Variants in PRRT1 observed in about 807,000 individuals in gnomAD.
PRRT1 encodes proline-rich transmembrane protein 1.
A neutral mutation model predicts 22.6 loss-of-function variants in PRRT1; 8 were observed. That is an observed-to-expected ratio of 0.35 (90% CI 0.21 to 0.64). PRRT1 has a LOEUF of 0.64. Ranked by LOEUF, PRRT1 falls within the 30% of genes least tolerant of loss-of-function variation. The pLI, the probability that PRRT1 is intolerant of heterozygous loss-of-function variation, is 0.69. For missense variants in PRRT1, 315 were observed against 444.5 expected (o/e 0.71, Z 2.62); for synonymous variants, 176 against 203.6 (o/e 0.86, Z 1.15).
chr6:32,151,975 GGC>G, upstream of PRRT1: 2 of 280,204 alleles, frequency 7.1e-6, no homozygotes, highest in Non-Finnish European at 1.4e-5. Flanking sequence ...GGGGGGGGCG[GGC>G]GGAGGGAGAG....
Position 32,151,884 on chromosome 6 carries a change from T to A in PRRT1, c.-57A>T. Reference sequence around the variant, plus strand: ...AGCCGGAGTGGGGGTCCTCGGCCGGTGCTGGAGTCTGGGTGCTGGATGGCG... The same window carrying A: ...AGCCGGAGTGGGGGTCCTCGGCCGGAGCTGGAGTCTGGGTGCTGGATGGCG... On this transcript the variant is annotated 5_prime_UTR_variant, in exon 1 of 4. Coordinates refer to ENST00000211413, the MANE Select transcript of PRRT1 (RefSeq NM_030651.4). 6.5e-7 allele frequency: 1 copy of A among 1,527,754 alleles called. No individual in the cohort carries two copies. Among genetic ancestry groups the A allele is most frequent in the Non-Finnish European group, 9.0e-7 (1 of 1,115,234 alleles). The allele number at this position is 1,527,754 out of a possible 1,614,324, so 94.6% of individuals were successfully genotyped here.
intron 1 of PRRT1, 114 bp from the exon 2 acceptor site, chr6:32,151,020 C>G: frequency 1.1e-6 from 1 of 883,980 alleles, no homozygotes; most frequent in Non-Finnish European, 1.8e-6. Flanking sequence ...ATGGGAGAGA[C>G]ACATAGAGAG....
In PRRT1 at chr6:32,148,970, G is replaced by A. The variant is rs1783110783; in HGVS notation, c.*252C>T. ...GAGGGTGAGGGGGCCTGGAGCGACT[G>A]AGGGTCCGGCGTTTGGCCGGGATCC... On this transcript the variant is annotated 3_prime_UTR_variant, in exon 4 of 4. Coordinates refer to ENST00000211413, the MANE Select transcript of PRRT1 (RefSeq NM_030651.4). This position sits in a 1 kb window ranked among gnomAD's most constrained non-coding sequence, Gnocchi z 5.7. 1 of 696,810 alleles carries A rather than the reference G, an allele frequency of 1.4e-6. No homozygotes were observed. The highest frequency in any genetic ancestry group is 1.7e-5 in the African/African-American group (1 of 57,260). 43.2% of individuals were successfully genotyped at this position (696,810 alleles called of 1,614,324 possible).
At chr6:32,151,778 A>AG (rs756392691) in intron 1 of PRRT1, 31 bp downstream of exon 1, 38 of 1,399,998 alleles carry the variant, frequency 2.7e-5, no homozygotes, top group Non-Finnish European at 3.4e-5. Flanking sequence ...GAGACAGTGG[A>AG]GGGGGTGGGA....
Position 32,151,918 on chromosome 6 carries a change from A to T in PRRT1, c.-91T>A, listed in dbSNP as rs767132722. 1.4e-6 allele frequency: 1 copy of T among 728,682 alleles called. No homozygotes were observed. Among genetic ancestry groups the T allele is most frequent in the South Asian group, 1.3e-5 (1 of 74,400 alleles). 45.1% of individuals were successfully genotyped at this position (728,682 alleles called of 1,614,324 possible). A position where few individuals can be genotyped will look rare whatever the true frequency, so the allele number is the denominator to read the frequency against. On this transcript the variant is annotated 5_prime_UTR_variant, in exon 1 of 4. Coordinates refer to ENST00000211413, the MANE Select transcript of PRRT1 (RefSeq NM_030651.4). ...CTGGGTGCTGGATGGCGCAGCCGGC[A>T]GCAGCGCAGAGATGGAGAGATGAAG...
At position 32,150,535 on chromosome 6, in the gene PRRT1, C is replaced by T. The variant is rs1783201700; in HGVS notation, c.391G>A (p.Ala131Thr). 2 of 1,367,238 alleles carry T rather than the reference C, an allele frequency of 1.5e-6. No individual in the cohort carries two copies. The highest frequency in any genetic ancestry group is 1.9e-6 in the Non-Finnish European group (2 of 1,062,574). The allele number at this position is 1,367,238 out of a possible 1,614,324, so 84.7% of individuals were successfully genotyped here. Reference sequence around the variant, plus strand: ...TGGGCTGGCGCCGGCGGGGGCGGGGCGGCGGCAGCGGGCGGCGGCGGGGGA... The same window carrying T: ...TGGGCTGGCGCCGGCGGGGGCGGGGTGGCGGCAGCGGGCGGCGGCGGGGGA... Reference protein sequence around the residue: ...PLPPPPPAAAAPPPPAPAQTA... With the variant: ...PLPPPPPAAATPPPPAPAQTA... The change falls in exon 2 of 4, where the codon GCC (alanine) becomes ACC (threonine). Residue 131 changes from alanine to threonine, a missense_variant. Ala to Thr is a moderately conservative substitution (Grantham distance 58, BLOSUM62 0). Coordinates refer to ENST00000211413, the MANE Select transcript of PRRT1 (RefSeq NM_030651.4). This position sits in a 1 kb window ranked among gnomAD's most constrained non-coding sequence, Gnocchi z 7.2.
In PRRT1 at chr6:32,150,699, G is replaced by A. The variant is rs1783216340; in HGVS notation, c.227C>T (p.Ser76Phe). 6.9e-7 allele frequency: 1 copy of A among 1,448,776 alleles called. No individual in the cohort carries two copies. Among genetic ancestry groups the A allele is most frequent in the Middle Eastern group, 2.3e-4 (1 of 4,326 alleles). The allele number at this position is 1,448,776 out of a possible 1,614,324, so 89.7% of individuals were successfully genotyped here. ...SSAATAQRGP[S>F]SSATLPRPPH... ...GGGCCTCGGCAGCGTGGCAGAGGAGGAGGGACCGCGCTGAGCGGTGGCCGC... is the reference window on the plus strand; with the variant it reads ...GGGCCTCGGCAGCGTGGCAGAGGAGAAGGGACCGCGCTGAGCGGTGGCCGC... Residue 76 changes from serine (S) to phenylalanine (F), a missense_variant, in exon 2 of 4, where the codon TCC (serine) becomes TTC (phenylalanine). Transcript: ENST00000211413. The surrounding 1 kb of genome is among the most constrained non-coding windows in gnomAD (Gnocchi z 7.2).
chr6:32,151,954 G>T (rs1317018683), upstream of PRRT1: 2 of 311,400 alleles, frequency 6.4e-6, no homozygotes, highest in Non-Finnish European at 1.2e-5. Context: ...GCAGCGGCGG[G>T]GGGGGGGGGC....
Position 32,151,886 on chromosome 6 carries a change from C to T in PRRT1, c.-59G>A. On this transcript the variant is annotated 5_prime_UTR_variant, in exon 1 of 4. Transcript: ENST00000211413. Reference sequence around the variant, plus strand: ...CCGGAGTGGGGGTCCTCGGCCGGTGCTGGAGTCTGGGTGCTGGATGGCGCA... The same window carrying T: ...CCGGAGTGGGGGTCCTCGGCCGGTGTTGGAGTCTGGGTGCTGGATGGCGCA... The T allele has an allele frequency of 3.3e-6, 5 of 1,531,340 alleles. No homozygotes were observed. Among genetic ancestry groups the T allele is most frequent in the Non-Finnish European group, 4.5e-6 (5 of 1,114,922 alleles). The allele number at this position is 1,531,340 out of a possible 1,614,324, so 94.9% of individuals were successfully genotyped here.
chr6:32,151,038 T>A, intron 1 of PRRT1, 132 bp from the exon 2 acceptor site: 1 of 800,576 alleles, frequency 1.2e-6, no homozygotes, highest in Non-Finnish European at 2.1e-6. Flanking sequence ...GAGAGACGGG[T>A]GAGAAACCAT....
At position 32,151,430 on chromosome 6, in the gene PRRT1, G is replaced by A. The variant is rs9469085; in HGVS notation, c.19+379C>T. ...TAGGGCAGATTAAGAAGAGCCCTCTGGATTTTGCTCCCTTGACAACCCCCA... is the reference window on the plus strand; with the variant it reads ...TAGGGCAGATTAAGAAGAGCCCTCTAGATTTTGCTCCCTTGACAACCCCCA... On this transcript the variant is annotated intron_variant, in intron 1 of 3. Transcript: ENST00000211413. 1.5e-3 allele frequency: 654 copies of A among 429,054 alleles called. 4 individuals carry two copies. The highest frequency in any genetic ancestry group is 0.011 in the African/African-American group (562 of 49,768). The allele number at this position is 429,054 out of a possible 1,614,324, so 26.6% of individuals were successfully genotyped here.
Position 32,150,499 on chromosome 6 carries a change from C to T in PRRT1, c.427G>A (p.Ala143Thr). 1.4e-6 allele frequency: 2 copies of T among 1,455,390 alleles called. No homozygotes were observed. The highest frequency in any genetic ancestry group is 1.8e-6 in the Non-Finnish European group (2 of 1,109,394). 90.2% of individuals were successfully genotyped at this position (1,455,390 alleles called of 1,614,324 possible). A position where few individuals can be genotyped will look rare whatever the true frequency, so the allele number is the denominator to read the frequency against. The change falls in exon 2 of 4, where the codon GCC becomes ACC. Residue 143 changes from alanine (A) to threonine (T), a missense_variant. Physicochemically the swap from Ala to Thr is moderately conservative, Grantham distance 58 (BLOSUM62 0). This residue lies in a region of PRRT1 where 263 missense variants were observed against 328.5 expected (regional missense o/e 0.80). Coordinates refer to ENST00000211413, the MANE Select transcript of PRRT1 (RefSeq NM_030651.4). This position sits in a 1 kb window ranked among gnomAD's most constrained non-coding sequence, Gnocchi z 7.2. ...PPPAPAQTAQAPGFVVPTHAG... is the reference protein window; with the variant it reads ...PPPAPAQTAQTPGFVVPTHAG... ...TGCGTGGGCACCACGAAGCCAGGGGCCTGGGCAGTCTGGGCTGGCGCCGGC... is the reference window on the plus strand; with the variant it reads ...TGCGTGGGCACCACGAAGCCAGGGGTCTGGGCAGTCTGGGCTGGCGCCGGC...
Position 32,149,709 on chromosome 6 carries a change from C to T in PRRT1, c.572G>A (p.Gly191Glu), listed in dbSNP as rs1031738106. 6.3e-7 allele frequency: 1 copy of T among 1,589,650 alleles called. No homozygotes were observed. Among genetic ancestry groups the T allele is most frequent in the African/African-American group, 1.3e-5 (1 of 74,446 alleles). Residue 191 changes from glycine to glutamate, a missense_variant, in exon 3 of 4, where the codon GGG becomes GAG. By Grantham distance (98) the Gly-to-Glu change is moderately conservative (BLOSUM62 -2). Around this residue, in one of 4 missense-constraint regions of PRRT1, gnomAD observed 263 missense variants for 328.5 expected, o/e 0.80. Transcript: ENST00000211413. The surrounding 1 kb of genome is among the most constrained non-coding windows in gnomAD (Gnocchi z 8.7). ...GGTCACTCCTGTTCCCCCCGGGGTC[C>T]CGCCTGCATATGGCTGTGGAAGGAA... ...VYPVGTPYAGGTPGGTGVTST... is the reference protein window; with the variant it reads ...VYPVGTPYAGETPGGTGVTST...
chr6:32,152,588 G>A (rs900847008), upstream of PRRT1, among the ~76,000 whole-genome samples: 1 of 152,144 alleles, frequency 6.6e-6, no homozygotes, highest in Non-Finnish European at 1.5e-5. Flanking sequence ...CTAAGGAGCT[G>A]AAGCTCTTTT....
chr6:32,151,115 T>C, intron 1 of PRRT1: 1 of 703,390 alleles, frequency 1.4e-6, no homozygotes, highest in Non-Finnish European at 2.6e-6. Context: ...TTCCTTCCAA[T>C]CTAGTTTTGA....
chr6:32,150,530 C>T lies in PRRT1; in HGVS notation c.396G>A (p.Pro132=), dbSNP rs1248039366. ...LPPPPPAAAA[P]PPPAPAQTAQ... ...CAGTCTGGGCTGGCGCCGGCGGGGGCGGGGCGGCGGCAGCGGGCGGCGGCG... is the reference window on the plus strand; with the variant it reads ...CAGTCTGGGCTGGCGCCGGCGGGGGTGGGGCGGCGGCAGCGGGCGGCGGCG... The change falls in exon 2 of 4, where the codon CCG becomes CCA. Residue 132 remains proline, a synonymous_variant. Transcript: ENST00000211413. This position sits in a 1 kb window ranked among gnomAD's most constrained non-coding sequence, Gnocchi z 7.2. 2.2e-6 allele frequency: 3 copies of T among 1,369,866 alleles called. No homozygotes were observed. The highest frequency in any genetic ancestry group is 1.9e-6 in the Non-Finnish European group (2 of 1,063,936). 84.9% of individuals were successfully genotyped at this position (1,369,866 alleles called of 1,614,324 possible).
Position 32,149,402 on chromosome 6 carries a change from C to A in PRRT1, c.745-4G>T. On this transcript the variant is annotated splice_polypyrimidine_tract_variant and splice_region_variant and intron_variant, in intron 3 of 3. Coordinates refer to ENST00000211413, the MANE Select transcript of PRRT1 (RefSeq NM_030651.4). The surrounding 1 kb of genome is among the most constrained non-coding windows in gnomAD (Gnocchi z 8.7). ...CGCGGGCCAAGGCCGTGCGCACCTACGGAGGAGGGGTGGGGGAAGGAGGTC... is the reference window on the plus strand; with the variant it reads ...CGCGGGCCAAGGCCGTGCGCACCTAAGGAGGAGGGGTGGGGGAAGGAGGTC... 6.3e-7 allele frequency: 1 copy of A among 1,596,758 alleles called. No homozygotes were observed. Among genetic ancestry groups the A allele is most frequent in the Non-Finnish European group, 8.6e-7 (1 of 1,168,124 alleles).
chr6:32,150,562 G>A lies in PRRT1; in HGVS notation c.364C>T (p.Leu122Phe). The change falls in exon 2 of 4, where the codon CTT becomes TTT. Residue 122 changes from leucine to phenylalanine, a missense_variant. Coordinates refer to ENST00000211413, the MANE Select transcript of PRRT1 (RefSeq NM_030651.4). This position sits in a 1 kb window ranked among gnomAD's most constrained non-coding sequence, Gnocchi z 7.2. The part of the protein sequence containing the change: ...YLQETRFEGP[L>F]PPPPPAAAAP... Reference sequence around the variant, plus strand: ...GCGGCAGCGGGCGGCGGCGGGGGAAGTGGGCCCTCGAAGCGAGTCTCCTGC... The same window carrying A: ...GCGGCAGCGGGCGGCGGCGGGGGAAATGGGCCCTCGAAGCGAGTCTCCTGC... The A allele has an allele frequency of 1.5e-6, 2 of 1,364,078 alleles. No homozygotes were observed. The highest frequency in any genetic ancestry group is 1.9e-6 in the Non-Finnish European group (2 of 1,061,644). 84.5% of individuals were successfully genotyped at this position (1,364,078 alleles called of 1,614,324 possible).
Position 32,149,007 on chromosome 6 carries a change from G to T in PRRT1, c.*215C>A. 1 of 712,092 alleles carries T rather than the reference G, an allele frequency of 1.4e-6. No individual in the cohort carries two copies. Among genetic ancestry groups the T allele is most frequent in the East Asian group, 2.7e-5 (1 of 37,230 alleles). The allele number at this position is 712,092 out of a possible 1,614,324, so 44.1% of individuals were successfully genotyped here. A position where few individuals can be genotyped will look rare whatever the true frequency, so the allele number is the denominator to read the frequency against. On this transcript the variant is annotated 3_prime_UTR_variant, in exon 4 of 4. Coordinates refer to ENST00000211413, the MANE Select transcript of PRRT1 (RefSeq NM_030651.4). This position sits in a 1 kb window ranked among gnomAD's most constrained non-coding sequence, Gnocchi z 8.7. ...TTTGGCCGGGATCCCGGAAAGCGGC[G>T]TCCCTGGGGGTGTGGGTTTTGGAGG...
Sources: allele counts gnomAD v4.1 joint callset (sites outside exome capture counted in the v4.1 genomes callset), GRCh38; gene constraint gnomAD v4.1.1; regional missense constraint gnomAD v4.1.1; non-coding constraint Gnocchi (gnomAD v3.1); transcripts MANE v1.5; gene names NCBI Gene and HGNC (gene_info 2026-07-23, HGNC 2026-07-21).